The following TENM1 variants were observed in gnomAD, a reference collection of about 807,000 sequenced individuals.
TENM1 encodes teneurin-1.
Under a neutral mutation model 174.8 loss-of-function variants are expected in TENM1, and 35 were observed. That is an observed-to-expected ratio of 0.20 (90% CI 0.15 to 0.27). TENM1 has a LOEUF of 0.27. Ranked by LOEUF, TENM1 falls within the 10% of genes least tolerant of loss-of-function variation. The pLI, the probability that TENM1 is intolerant of heterozygous loss-of-function variation, is 1.00. For missense variants in TENM1, 1,633 were observed against 2,130.1 expected (o/e 0.77, Z 4.59); for synonymous variants, 781 against 798.7 (o/e 0.98, Z 0.37).
intron 7 of TENM1, among the ~76,000 whole-genome samples, chrX:124,653,304 T>C (rs1053355447): frequency 3.6e-5 from 4 of 111,655 alleles, no homozygotes; most frequent in Non-Finnish European, 7.5e-5. Context: ...ATGAGAGGTC[T>C]GGGAAGCTCA....
At position 124,684,913 on chromosome X, in the gene TENM1, G is replaced by A. The variant is rs142843127; in HGVS notation, c.1016-13078C>T. ...AACCATCATTACTGACCCAGGAACC[G>A]GGGTGCCATTACTGACCCATGCACC... On this transcript the variant is annotated intron_variant, in intron 5 of 31. Coordinates refer to ENST00000422452, the Ensembl canonical transcript of TENM1. Among the ~76,000 whole-genome samples, 200 of 110,940 alleles carry A rather than the reference G, an allele frequency of 1.8e-3. 2 individuals are homozygous for A. The highest frequency in any genetic ancestry group is 6.3e-3 in the African/African-American group (191 of 30,504).
intron 5 of TENM1, among the ~76,000 whole-genome samples, chrX:124,694,802 T>C (rs1236300656): frequency 8.9e-6 from 1 of 111,940 alleles, no homozygotes; most frequent in East Asian, 2.8e-4. Flanking sequence ...TAAATCCAGG[T>C]GTACTAACAG....
the TENM1 span, among the ~76,000 whole-genome samples, chrX:125,025,036 A>C: frequency 9.0e-6 from 1 of 111,597 alleles, no homozygotes; most frequent in South Asian, 3.7e-4. Flanking sequence ...TGGAAAATTG[A>C]AATTTTAAAA....
At chrX:124,758,604 C>T (rs191610176) in intron 3 of TENM1, among the ~76,000 whole-genome samples, 7 of 111,734 alleles carry the variant, frequency 6.3e-5, no homozygotes, top group African/African-American at 2.3e-4. Context: ...CATTGTATTA[C>T]TCAGGACAGC....
At chrX:124,951,395 TACAA>T (rs778201076) in intron 1 of TENM1, among the ~76,000 whole-genome samples, 6 of 110,531 alleles carry the variant, frequency 5.4e-5, no homozygotes, top group Admixed American at 4.9e-4. Context: ...CTTCTGTGTA[TACAA>T]ACAATGTTCT....
At chrX:124,621,549 T>C (rs1167857785) in intron 11 of TENM1, among the ~76,000 whole-genome samples, 1 of 112,368 alleles carries the variant, frequency 8.9e-6, no homozygotes, top group Non-Finnish European at 1.9e-5. Flanking sequence ...ACACACCTTA[T>C]ACACATAGTC....
chrX:125,049,625 A>C, the TENM1 span, among the ~76,000 whole-genome samples: 3 of 111,953 alleles, frequency 2.7e-5, no homozygotes, highest in African/African-American at 9.7e-5. Flanking sequence ...ACTTTTCCAC[A>C]GTGACTACAC....
chrX:125,160,424 A>T, the TENM1 span, among the ~76,000 whole-genome samples: 21 of 105,413 alleles, frequency 2.0e-4, no homozygotes, highest in African/African-American at 6.9e-4. Context: ...GCTACTTGAG[A>T]GGCTGAGGCA....
chrX:124,804,167 C>T (rs941398141), intron 3 of TENM1, among the ~76,000 whole-genome samples: 14 of 111,924 alleles, frequency 1.3e-4, no homozygotes, highest in African/African-American at 4.5e-4. Flanking sequence ...TTTAAAGAGA[C>T]CTGCCTGCCA....
At chrX:125,186,860 A>G in the TENM1 span, among the ~76,000 whole-genome samples, 3 of 112,200 alleles carry the variant, frequency 2.7e-5, no homozygotes, top group African/African-American at 9.7e-5. Context: ...GAGCTGTGCT[A>G]TTATATAATG....
chrX:125,041,916 G>A, the TENM1 span, among the ~76,000 whole-genome samples: 1 of 111,463 alleles, frequency 9.0e-6, no homozygotes, highest in African/African-American at 3.2e-5. Context: ...AGGAGGAAGA[G>A]TAGGAGAAAA....
At chrX:124,909,811 TAAC>T (rs1167037343) in intron 1 of TENM1, among the ~76,000 whole-genome samples, 3 of 112,264 alleles carry the variant, frequency 2.7e-5, no homozygotes, top group Non-Finnish European at 5.6e-5. Flanking sequence ...TGAAATTATT[TAAC>T]AACATTAACA....
chrX:124,687,369 T>A (rs1267556456), intron 5 of TENM1, among the ~76,000 whole-genome samples: 2 of 111,717 alleles, frequency 1.8e-5, no homozygotes, highest in Non-Finnish European at 3.8e-5. Context: ...CTGGGAAAAC[T>A]GGCTAGCCAT....
chrX:124,506,632 G>A (rs1439457154), intron 18 of TENM1, among the ~76,000 whole-genome samples: 2 of 111,347 alleles, frequency 1.8e-5, no homozygotes, highest in African/African-American at 6.5e-5. Flanking sequence ...GAGGATAGCT[G>A]TGTGTCGGGG....
the TENM1 span, among the ~76,000 whole-genome samples, chrX:124,983,018 G>C: frequency 8.9e-6 from 1 of 111,901 alleles, no homozygotes; most frequent in Non-Finnish European, 1.9e-5. Flanking sequence ...GTTGATGTGA[G>C]AATTAACAAA....
intron 1 of TENM1, among the ~76,000 whole-genome samples, chrX:124,910,797 A>G: frequency 9.0e-6 from 1 of 111,407 alleles, no homozygotes; most frequent in Non-Finnish European, 1.9e-5. Context: ...TTCTTGTTCA[A>G]ATGTTCTCAT....
the TENM1 span, among the ~76,000 whole-genome samples, chrX:125,012,531 T>G: frequency 8.9e-6 from 1 of 112,117 alleles, no homozygotes. Flanking sequence ...ATAATTGTAA[T>G]AATTTAATCA....
chrX:125,087,565 C>T, the TENM1 span, among the ~76,000 whole-genome samples: 2 of 111,034 alleles, frequency 1.8e-5, no homozygotes, highest in Admixed American at 9.7e-5. Context: ...CTTCTATCAG[C>T]TTCTCTTAAG....
chrX:124,435,024 G>T (rs1211031063), intron 23 of TENM1, among the ~76,000 whole-genome samples: 3 of 111,523 alleles, frequency 2.7e-5, no homozygotes, highest in Non-Finnish European at 5.6e-5. Context: ...TACACATACA[G>T]AAGGAGAGGC....
Sources: allele counts gnomAD v4.1 joint callset (sites outside exome capture counted in the v4.1 genomes callset), GRCh38; gene constraint gnomAD v4.1.1; transcripts MANE v1.5; gene names NCBI Gene and HGNC (gene_info 2026-07-23, HGNC 2026-07-21).